Variants in CAMTA1 observed in about 807,000 individuals in gnomAD.
The protein encoded by CAMTA1 is calmodulin binding transcription activator 1, also known as calmodulin-binding transcription activator 1.
Under a neutral mutation model 170.9 loss-of-function variants are expected in CAMTA1, and 27 were observed. The ratio of observed to expected loss-of-function variants is 0.16; its 90% confidence interval spans 0.12 to 0.22. The LOEUF is 0.22. CAMTA1 is among the 10% of genes least tolerant of loss of function. The probability of loss-of-function intolerance (pLI) is 1.00; values close to 1 mark genes in which losing one functional copy is unlikely to be tolerated. For missense variants in CAMTA1, 1,619 were observed against 2,217.2 expected (o/e 0.73, Z 5.42); for synonymous variants, 833 against 891.5 (o/e 0.93, Z 1.17).
In CAMTA1 at chr1:7,130,253, A is replaced by G. The variant is rs146491678; in HGVS notation, c.302+38882A>G. On this transcript the variant is annotated intron_variant, in intron 4 of 22. Transcript: ENST00000303635. ...CATGCCCAGTCAAATCTACCTTCTT[A>G]TAATCAGCATAGTTATTTTGAGGTT... 1.5e-3 allele frequency among the ~76,000 whole-genome samples: 230 copies of G among 152,218 alleles called. 3 individuals carry two copies. The South Asian group carries it at 0.027, about 18-fold the overall frequency.
In CAMTA1 at chr1:7,100,525, G is replaced by T. The variant is rs557712355; in HGVS notation, c.302+9154G>T. Among the ~76,000 whole-genome samples the T allele has an allele frequency of 2.7e-3, 406 of 152,144 alleles. 2 individuals are homozygous for T. Among genetic ancestry groups the T allele is most frequent in the African/African-American group, 9.5e-3 (395 of 41,488 alleles). ...CTCTTGCTTTTTTCTCTTTTTCCAA[G>T]TCTTTTTCAGTCTGCAGAAAGAAAT... On this transcript the variant is annotated intron_variant, in intron 4 of 22. Transcript: ENST00000303635.
At chr1:7,135,247 G>C (rs1645476357) in intron 4 of CAMTA1, among the ~76,000 whole-genome samples, 2 of 152,232 alleles carry the variant, frequency 1.3e-5, no homozygotes, top group Middle Eastern at 3.4e-3. Context: ...AATTAGCCAA[G>C]CGGGGTGGTG....
chr1:6,786,700 G>A (rs1177595854), intron 1 of CAMTA1, among the ~76,000 whole-genome samples: 1 of 152,136 alleles, frequency 6.6e-6, no homozygotes, highest in Non-Finnish European at 1.5e-5. Flanking sequence ...CTTTTCTTAT[G>A]GAGACAACTG....
intron 3 of CAMTA1, among the ~76,000 whole-genome samples, chr1:6,905,232 T>C (rs761175799): frequency 4.7e-5 from 7 of 149,638 alleles, no homozygotes; most frequent in Non-Finnish European, 1.0e-4. Context: ...TTGTTCCTGT[T>C]GCCCAGGCTA....
chr1:7,743,125 A>G (rs2150071136), intron 16 of CAMTA1, among the ~76,000 whole-genome samples: 1 of 152,306 alleles, frequency 6.6e-6, no homozygotes, highest in East Asian at 1.9e-4. Context: ...AAGTGCTGAG[A>G]TTACAGGCCT....
chr1:7,161,027 G>A (rs1313859809), intron 4 of CAMTA1, among the ~76,000 whole-genome samples: 1 of 152,098 alleles, frequency 6.6e-6, no homozygotes. Context: ...TGCTGCAAAG[G>A]CTTCTTCCTC....
At chr1:6,823,197 G>A (rs1646716007) in intron 2 of CAMTA1, among the ~76,000 whole-genome samples, 1 of 152,082 alleles carries the variant, frequency 6.6e-6, no homozygotes, top group Non-Finnish European at 1.5e-5. Context: ...GAAGAGAGAA[G>A]GGAGGTAAAG....
chr1:7,692,854 C>T (rs546256477), intron 11 of CAMTA1, among the ~76,000 whole-genome samples: 4 of 152,298 alleles, frequency 2.6e-5, no homozygotes, highest in African/African-American at 7.2e-5. Context: ...GGCATCCCCC[C>T]ACCCCCCAGG....
chr1:7,004,232 A>G (rs757345499), intron 3 of CAMTA1, among the ~76,000 whole-genome samples: 3 of 152,190 alleles, frequency 2.0e-5, no homozygotes, highest in Non-Finnish European at 4.4e-5. Context: ...GGCCAGTGTT[A>G]TTGTTTTTTC....
chr1:6,869,838 C>T (rs1056510185), intron 3 of CAMTA1, among the ~76,000 whole-genome samples: 22 of 152,104 alleles, frequency 1.4e-4, no homozygotes, highest in African/African-American at 4.3e-4. Context: ...CTGGACGTCA[C>T]GTTCAGGTAG....
At chr1:7,307,302 T>C (rs1675742997) in intron 5 of CAMTA1, among the ~76,000 whole-genome samples, 1 of 150,292 alleles carries the variant, frequency 6.7e-6, no homozygotes, top group African/African-American at 2.5e-5. Context: ...TTGTATCTTG[T>C]GACCTTGCTA....
At chr1:7,276,303 A>ATAAT in intron 5 of CAMTA1, among the ~76,000 whole-genome samples, 1 of 24,228 alleles carries the variant, frequency 4.1e-5, no homozygotes, top group African/African-American at 3.0e-4. Flanking sequence ...ATATATATAT[A>ATAAT]TTTTTTTTTT....
intron 1 of CAMTA1, among the ~76,000 whole-genome samples, chr1:6,818,813 G>C (rs1262493601): frequency 2.0e-5 from 3 of 149,464 alleles, no homozygotes. Flanking sequence ...GCTAATTTTT[G>C]TATCTTTGGT....
intron 5 of CAMTA1, among the ~76,000 whole-genome samples, chr1:7,369,734 C>G (rs1272218201): frequency 6.6e-6 from 1 of 152,116 alleles, no homozygotes; most frequent in Non-Finnish European, 1.5e-5. Flanking sequence ...CAGCCTCCAG[C>G]CCTGCCTAGG....
At chr1:6,820,742 A>G (rs1370940775) in intron 2 of CAMTA1, among the ~76,000 whole-genome samples, 2 of 152,162 alleles carry the variant, frequency 1.3e-5, no homozygotes, top group Non-Finnish European at 2.9e-5. Context: ...AGTGCAATGT[A>G]AGATCCTTTC....
At chr1:7,556,680 A>G (rs12755955) in intron 6 of CAMTA1, among the ~76,000 whole-genome samples, 69,348 of 151,814 alleles carry the variant, frequency 0.46, 18,559 homozygotes, top group African/African-American at 0.76. Context: ...TGTGGAATGC[A>G]CTCAATTCGT....
intron 7 of CAMTA1, among the ~76,000 whole-genome samples, chr1:7,660,776 C>T (rs1420012212): frequency 6.6e-6 from 1 of 152,224 alleles, no homozygotes; most frequent in African/African-American, 2.4e-5. Context: ...TATCTCGACC[C>T]TGTGCCCGGC....
At chr1:7,262,067 T>G (rs1668257691) in intron 5 of CAMTA1, among the ~76,000 whole-genome samples, 1 of 152,254 alleles carries the variant, frequency 6.6e-6, no homozygotes, top group Admixed American at 6.5e-5. Flanking sequence ...TTTTGTTGGA[T>G]GCTTTTATAC....
At chr1:7,597,560 T>C (rs996543489) in intron 6 of CAMTA1, among the ~76,000 whole-genome samples, 2 of 151,974 alleles carry the variant, frequency 1.3e-5, no homozygotes, top group Non-Finnish European at 2.9e-5. Context: ...ACAGAACTAA[T>C]AGGATGTGTA....
Sources: gnomAD v4.1 joint callset for allele counts (sites outside exome capture counted in the v4.1 genomes callset) on GRCh38, gnomAD v4.1.1 for gene constraint, MANE v1.5 for transcripts, NCBI Gene and HGNC (gene_info 2026-07-23, HGNC 2026-07-21) for gene names.